The following ZMYM2 variants were observed in gnomAD, a reference collection of about 807,000 sequenced individuals.
ZMYM2 encodes the protein zinc finger MYM-type containing 2, also known as zinc finger MYM-type protein 2.
A neutral mutation model predicts 162.8 loss-of-function variants in ZMYM2; 56 were observed. The observed-to-expected ratio is 0.34, with a 90% confidence interval of 0.28 to 0.43. The LOEUF is 0.43. Among genes scored for constraint, ZMYM2 ranks in the 20% least tolerant of loss-of-function variants. The pLI, the probability that ZMYM2 is intolerant of heterozygous loss-of-function variation, is 1.00. For synonymous variants in ZMYM2, 510 were observed against 541.6 expected (o/e 0.94, Z 0.81); for missense variants, 1,275 against 1,621.8 (o/e 0.79, Z 3.67).
chr13:19,868,364 C>G, the ZMYM2 span, among the ~76,000 whole-genome samples: 1 of 152,184 alleles, frequency 6.6e-6, no homozygotes, highest in Non-Finnish European at 1.5e-5. Flanking sequence ...CAACTTCGGT[C>G]ATTTCAACTT....
chr13:19,983,396 TCGGCCTCCCA>T (rs1957523924), intron 2 of ZMYM2, among the ~76,000 whole-genome samples: 1 of 152,144 alleles, frequency 6.6e-6, no homozygotes, highest in Non-Finnish European at 1.5e-5. Context: ...TCCGCCTCCC[TCGGCCTCCCA>T]AAGTGCTGGG....
chr13:19,981,415 T>TC (rs1425984378), intron 2 of ZMYM2, among the ~76,000 whole-genome samples: 7 of 152,268 alleles, frequency 4.6e-5, no homozygotes, highest in Non-Finnish European at 7.3e-5. Flanking sequence ...TGGAGCCTAT[T>TC]CATGTTGGCT....
intron 21 of ZMYM2, among the ~76,000 whole-genome samples, chr13:20,081,217 T>C (rs1957885317): frequency 6.6e-6 from 1 of 152,228 alleles, no homozygotes; most frequent in Non-Finnish European, 1.5e-5. Flanking sequence ...TTACCTTAGG[T>C]TTACAATCTG....
the ZMYM2 span, among the ~76,000 whole-genome samples, chr13:19,931,138 C>CAAAAA: frequency 3.1e-4 from 39 of 127,552 alleles, no homozygotes; most frequent in African/African-American, 1.0e-3. Flanking sequence ...GACTCTCTCT[C>CAAAAA]AAAAAAAAAA....
At chr13:19,986,219 C>A (rs1291544294) in intron 2 of ZMYM2, among the ~76,000 whole-genome samples, 1 of 150,974 alleles carries the variant, frequency 6.6e-6, no homozygotes, top group Non-Finnish European at 1.5e-5. Flanking sequence ...ACAAACAAAA[C>A]AAACAAACAA....
At chr13:19,951,984 G>T in the ZMYM2 span, among the ~76,000 whole-genome samples, 1 of 152,134 alleles carries the variant, frequency 6.6e-6, no homozygotes, top group Non-Finnish European at 1.5e-5. Context: ...TGGAGTATAT[G>T]TAAGTGTCCA....
chr13:19,950,293 A>T, the ZMYM2 span, among the ~76,000 whole-genome samples: 1 of 152,232 alleles, frequency 6.6e-6, no homozygotes, highest in Non-Finnish European at 1.5e-5. Context: ...GTAATGATTC[A>T]CAACTTTCAG....
In ZMYM2 at chr13:20,087,202, T is replaced by C. The variant is rs534193193; in HGVS notation, c.*1188T>C. On this transcript the variant is annotated 3_prime_UTR_variant, in exon 25 of 25. Transcript: ENST00000610343. ...CAAAGAAACTAATAGAGAAAGTCAG[T>C]CTCAGAGGAAATCCCATTTAATGTT... is the stretch of plus-strand genomic sequence containing the variant. 2 of 189,102 alleles carry C rather than the reference T, an allele frequency of 1.1e-5. No homozygotes were observed. Among genetic ancestry groups the C allele is most frequent in the Admixed American group, 1.2e-4 (2 of 16,198 alleles). The allele number at this position is 189,102 out of a possible 1,614,324, so 11.7% of individuals were successfully genotyped here. A position where few individuals can be genotyped will look rare whatever the true frequency, so the allele number is the denominator to read the frequency against.
the ZMYM2 span, among the ~76,000 whole-genome samples, chr13:19,868,520 A>C: frequency 1.3e-5 from 2 of 152,114 alleles, no homozygotes; most frequent in African/African-American, 4.8e-5. Flanking sequence ...TTTTAGTGGG[A>C]CATAGTAGTT....
At chr13:19,933,606 T>A in the ZMYM2 span, among the ~76,000 whole-genome samples, 2 of 152,166 alleles carry the variant, frequency 1.3e-5, no homozygotes, top group Non-Finnish European at 2.9e-5. Flanking sequence ...CCTGTTAAGA[T>A]GCAAAGGAAG....
chr13:19,922,838 C>T, the ZMYM2 span, among the ~76,000 whole-genome samples: 8 of 151,888 alleles, frequency 5.3e-5, no homozygotes, highest in Admixed American at 2.6e-4. Flanking sequence ...AGCGAGACTC[C>T]GTCTCAAAAA....
At chr13:19,913,549 A>AC in the ZMYM2 span, among the ~76,000 whole-genome samples, 12 of 152,164 alleles carry the variant, frequency 7.9e-5, no homozygotes, top group Non-Finnish European at 1.6e-4. Context: ...ACATGGTGAG[A>AC]CCCCGTCTCT....
At chr13:19,968,237 C>G (rs768745996) in intron 2 of ZMYM2, among the ~76,000 whole-genome samples, 2 of 152,124 alleles carry the variant, frequency 1.3e-5, no homozygotes, top group African/African-American at 4.8e-5. Context: ...CTTCACTTCC[C>G]CTCGCTAGAC....
the ZMYM2 span, among the ~76,000 whole-genome samples, chr13:19,867,397 T>C: frequency 1.3e-5 from 2 of 151,320 alleles, no homozygotes; most frequent in African/African-American, 4.9e-5. Context: ...TAAATTGTCA[T>C]CCCAAGTAAT....
At chr13:19,885,859 A>AT in the ZMYM2 span, among the ~76,000 whole-genome samples, 6,897 of 46,396 alleles carry the variant, frequency 0.15, 1,714 homozygotes, top group Non-Finnish European at 0.3. Context: ...AAAAAAAAAA[A>AT]AAAATATATA....
At chr13:19,923,726 A>G in the ZMYM2 span, among the ~76,000 whole-genome samples, 1 of 134,422 alleles carries the variant, frequency 7.4e-6, no homozygotes, top group African/African-American at 2.8e-5. Context: ...GCTGGAGTGC[A>G]GTGGCATGAT....
chr13:19,884,208 A>G, the ZMYM2 span, among the ~76,000 whole-genome samples: 3 of 152,048 alleles, frequency 2.0e-5, no homozygotes. Context: ...AGCTCTCAAA[A>G]AAATTTAAAA....
At chr13:20,000,567 G>T (rs1005666499) in intron 3 of ZMYM2, among the ~76,000 whole-genome samples, 3 of 152,206 alleles carry the variant, frequency 2.0e-5, no homozygotes, top group Non-Finnish European at 4.4e-5. Context: ...TGCTTTATCA[G>T]TGGAACAACA....
At chr13:19,921,078 C>T in the ZMYM2 span, among the ~76,000 whole-genome samples, 1 of 151,892 alleles carries the variant, frequency 6.6e-6, no homozygotes, top group African/African-American at 2.4e-5. Flanking sequence ...CTTTCCCTTC[C>T]TTTAGTAAAA....
Sources: gnomAD v4.1 joint callset for allele counts (sites outside exome capture counted in the v4.1 genomes callset) on GRCh38, gnomAD v4.1.1 for gene constraint, MANE v1.5 for transcripts, NCBI Gene and HGNC (gene_info 2026-07-23, HGNC 2026-07-21) for gene names.